The following LRBA variants were observed in gnomAD, a reference collection of about 807,000 sequenced individuals.
LRBA encodes lipopolysaccharide-responsive and beige-like anchor protein.
A neutral mutation model predicts 330.0 loss-of-function variants in LRBA; 176 were observed. The observed-to-expected ratio is 0.53, with a 90% confidence interval of 0.47 to 0.60. The LOEUF (loss-of-function observed/expected upper bound fraction) is 0.60, where lower values mean the gene tolerates loss of function less well. Among genes scored for constraint, LRBA ranks in the 20% least tolerant of loss-of-function variants. The pLI is 0.00. For missense variants in LRBA, 3,259 were observed against 3,444.8 expected (o/e 0.95, Z 1.35); for synonymous variants, 1,230 against 1,193.0 (o/e 1.03, Z -0.64).
In LRBA at chr4:150,528,472, G is replaced by A. The variant is rs1175384780; in HGVS notation, c.6331-37437C>T. 2.0e-5 allele frequency among the ~76,000 whole-genome samples: 3 copies of A among 149,430 alleles called. No individual in the cohort carries two copies. In the East Asian group the frequency reaches 5.9e-4, roughly 29 times the overall value. On this transcript the variant is annotated intron_variant, in intron 40 of 56. Transcript: ENST00000651943. ...GCCGAGATCACGCCACTGCACTCCA[G>A]CCTGGGGGACAGAGCAAGACTTCAT...
chr4:150,748,031 C>T (rs1732992519), intron 35 of LRBA, among the ~76,000 whole-genome samples: 1 of 152,108 alleles, frequency 6.6e-6, no homozygotes, highest in Admixed American at 6.6e-5. Flanking sequence ...ATACCTCTTC[C>T]CCATCACTAC....
chr4:150,883,489 C>T (rs1728628885), intron 17 of LRBA, among the ~76,000 whole-genome samples: 1 of 152,098 alleles, frequency 6.6e-6, no homozygotes. Flanking sequence ...TTACTGTATA[C>T]TAAGTACCAA....
chr4:150,386,246 CTTT>C (rs1450271647), intron 47 of LRBA, among the ~76,000 whole-genome samples: 1 of 151,800 alleles, frequency 6.6e-6, no homozygotes, highest in Non-Finnish European at 1.5e-5. Flanking sequence ...AATTAAATAC[CTTT>C]TTCTAATGCA....
intron 34 of LRBA, among the ~76,000 whole-genome samples, chr4:150,771,695 G>C (rs904757913): frequency 6.6e-5 from 10 of 152,084 alleles, no homozygotes; most frequent in African/African-American, 2.4e-4. Context: ...CTTACTGTTG[G>C]TCTCCACTGC....
chr4:151,002,447 C>T (rs1001683637), intron 2 of LRBA, among the ~76,000 whole-genome samples: 2 of 151,624 alleles, frequency 1.3e-5, no homozygotes. Flanking sequence ...TGCCTGTAAT[C>T]CCAGCTACTT....
chr4:150,444,959 A>T (rs1752400402), intron 44 of LRBA, among the ~76,000 whole-genome samples: 1 of 152,158 alleles, frequency 6.6e-6, no homozygotes, highest in Non-Finnish European at 1.5e-5. Flanking sequence ...AACTGTTAAA[A>T]ATAATCTATT....
chr4:150,294,923 C>T (rs779080895), intron 53 of LRBA, among the ~76,000 whole-genome samples: 1 of 151,902 alleles, frequency 6.6e-6, no homozygotes, highest in Non-Finnish European at 1.5e-5. Flanking sequence ...TGCACTCCAG[C>T]CTGGTGACAG....
chr4:150,534,866 T>C (rs765597840), intron 40 of LRBA, among the ~76,000 whole-genome samples: 47 of 152,214 alleles, frequency 3.1e-4, no homozygotes, highest in Admixed American at 1.2e-3. Context: ...TTAGGCAGAT[T>C]AGTTGCTTAA....
At chr4:150,578,444 T>G (rs750413544) in intron 40 of LRBA, among the ~76,000 whole-genome samples, 15 of 152,202 alleles carry the variant, frequency 9.9e-5, no homozygotes, top group Non-Finnish European at 2.1e-4. Context: ...TAATTTTTTA[T>G]TTCCAAGTTT....
chr4:150,767,671 T>C (rs989555043), intron 34 of LRBA, among the ~76,000 whole-genome samples: 3 of 148,188 alleles, frequency 2.0e-5, no homozygotes, highest in African/African-American at 7.5e-5. Context: ...GGCAGGAGAA[T>C]GGCGTGAACC....
intron 48 of LRBA, among the ~76,000 whole-genome samples, chr4:150,341,564 T>G (rs937921593): frequency 3.9e-5 from 6 of 152,160 alleles, no homozygotes; most frequent in Admixed American, 6.6e-5. Context: ...CTCTCCGCTT[T>G]GAATGTCCCT....
intron 40 of LRBA, among the ~76,000 whole-genome samples, chr4:150,498,848 A>C (rs1297423485): frequency 1.3e-5 from 2 of 152,176 alleles, no homozygotes; most frequent in Non-Finnish European, 1.5e-5. Context: ...AATATTTTAG[A>C]GTAATAAAAA....
intron 31 of LRBA, among the ~76,000 whole-genome samples, chr4:150,809,864 CG>C (rs1743383486): frequency 1.8e-4 from 7 of 39,704 alleles, no homozygotes; most frequent in South Asian, 6.4e-4. Flanking sequence ...CGATACGATA[CG>C]ATACGATACG....
chr4:150,790,327 A>C (rs1739716392), intron 34 of LRBA, among the ~76,000 whole-genome samples: 1 of 152,202 alleles, frequency 6.6e-6, no homozygotes, highest in Non-Finnish European at 1.5e-5. Context: ...CCTGTATTTC[A>C]GGTCAAATCC....
chr4:150,763,715 C>A (rs916320309), intron 34 of LRBA, among the ~76,000 whole-genome samples: 8 of 151,278 alleles, frequency 5.3e-5, no homozygotes, highest in African/African-American at 1.9e-4. Flanking sequence ...AAGCACAGCA[C>A]AGAGAGATAA....
At chr4:150,805,624 AGG>A (rs1742674169) in intron 33 of LRBA, among the ~76,000 whole-genome samples, 1 of 146,730 alleles carries the variant, frequency 6.8e-6, no homozygotes, top group African/African-American at 2.6e-5. Context: ...AGGAAAGGAA[AGG>A]AGAAGGAGAA....
At chr4:150,822,276 G>A (rs183138978) in intron 30 of LRBA, among the ~76,000 whole-genome samples, 1 of 152,176 alleles carries the variant, frequency 6.6e-6, no homozygotes, top group Admixed American at 6.5e-5. Context: ...ATATGTTCAT[G>A]ATCTACTCAC....
At position 150,868,393 on chromosome 4, in the gene LRBA, T is replaced by G. The variant is rs983997934; in HGVS notation, c.2450-88A>C. ...ATCCATCTATTGCAATTTCTTTAGT[T>G]TCCCTAACACAAATGTCTACCAAAA... On this transcript the variant is annotated intron_variant, in intron 20 of 56. Coordinates refer to ENST00000651943, the MANE Select transcript of LRBA (RefSeq NM_001364905.1). 4 of 891,430 alleles carry G rather than the reference T, an allele frequency of 4.5e-6. No homozygotes were observed. In the African/African-American group the frequency reaches 6.7e-5, roughly 15 times the overall value. 55.2% of individuals were successfully genotyped at this position (891,430 alleles called of 1,614,324 possible).
At chr4:150,747,389 T>C (rs1333527832) in intron 35 of LRBA, among the ~76,000 whole-genome samples, 5 of 152,230 alleles carry the variant, frequency 3.3e-5, no homozygotes, top group African/African-American at 1.2e-4. Context: ...CAAATCTGTC[T>C]TCCATTTGAC....
Sources: allele counts gnomAD v4.1 joint callset (sites outside exome capture counted in the v4.1 genomes callset), GRCh38; gene constraint gnomAD v4.1.1; transcripts MANE v1.5; gene names NCBI Gene and HGNC (gene_info 2026-07-23, HGNC 2026-07-21).